Variants in PTPRD observed in about 807,000 individuals in gnomAD.
The protein encoded by PTPRD is receptor-type tyrosine-protein phosphatase delta.
A neutral mutation model predicts 214.5 loss-of-function variants in PTPRD; 34 were observed. That is an observed-to-expected ratio of 0.16 (90% confidence interval 0.12 to 0.21). The LOEUF (loss-of-function observed/expected upper bound fraction) is 0.21, where lower values mean the gene tolerates loss of function less well. PTPRD is among the 10% of genes least tolerant of loss of function. The probability of loss-of-function intolerance (pLI) is 1.00; values close to 1 mark genes in which losing one functional copy is unlikely to be tolerated. For missense variants in PTPRD, 2,545 were observed against 2,398.7 expected, an observed-to-expected ratio of 1.06 and a Z score of -1.27; for synonymous variants, 1,128 against 845.7, an observed-to-expected ratio of 1.33 and a Z score of -5.79.
chr9:9,056,055 A>C (rs1035022095), intron 10 of PTPRD, among the ~76,000 whole-genome samples: 3 of 152,064 alleles, frequency 2.0e-5, no homozygotes, highest in African/African-American at 7.2e-5. Flanking sequence ...GACTTGCCAC[A>C]AAAAAGACTA....
chr9:9,490,972 T>TATAAAC (rs1199474142), intron 8 of PTPRD, among the ~76,000 whole-genome samples: 1 of 151,442 alleles, frequency 6.6e-6, no homozygotes, highest in African/African-American at 2.4e-5. Flanking sequence ...CTAATATAAA[T>TATAAAC]ATAAATGAAC....
At chr9:10,589,637 G>A (rs1001563113) in intron 2 of PTPRD, among the ~76,000 whole-genome samples, 2 of 152,024 alleles carry the variant, frequency 1.3e-5, no homozygotes, top group African/African-American at 2.4e-5. Flanking sequence ...CCTCAACTAT[G>A]AAAGAGGATA....
At chr9:8,600,060 C>G (rs2094743582) in intron 14 of PTPRD, among the ~76,000 whole-genome samples, 1 of 152,222 alleles carries the variant, frequency 6.6e-6, no homozygotes, top group African/African-American at 2.4e-5. Context: ...CATCCCCTGG[C>G]TGCAGCCTGG....
At chr9:8,323,293 A>C (rs1047862176) in intron 44 of PTPRD, among the ~76,000 whole-genome samples, 2 of 152,212 alleles carry the variant, frequency 1.3e-5, no homozygotes, top group East Asian at 3.9e-4. Context: ...CTGTGAACAC[A>C]ATATTGATTC....
intron 3 of PTPRD, among the ~76,000 whole-genome samples, chr9:10,331,401 C>T (rs1159042593): frequency 1.3e-5 from 2 of 151,850 alleles, no homozygotes; most frequent in African/African-American, 4.8e-5. Flanking sequence ...GCAATTAAGC[C>T]TTCCATCTGA....
intron 9 of PTPRD, among the ~76,000 whole-genome samples, chr9:9,213,083 C>T (rs1235336671): frequency 6.6e-6 from 1 of 152,136 alleles, no homozygotes; most frequent in African/African-American, 2.4e-5. Flanking sequence ...TGAAACGATG[C>T]ACATCAAATC....
intron 5 of PTPRD, among the ~76,000 whole-genome samples, chr9:9,896,856 T>C (rs918560108): frequency 3.3e-5 from 5 of 152,062 alleles, no homozygotes; most frequent in Admixed American, 2.6e-4. Context: ...AATAACATAT[T>C]AGAAAAATCA....
chr9:9,807,439 G>A lies in PTPRD; in HGVS notation c.-367-40588C>T, dbSNP rs186806764. On this transcript the variant is annotated intron_variant, in intron 5 of 45. Coordinates refer to ENST00000381196, the MANE Select transcript of PTPRD (RefSeq NM_002839.4). ...TGGTTATCAAACAAGATGCGATGTT[G>A]GCTAGGAAGCTTGTGGGAAGATTTC... Among the ~76,000 whole-genome samples the A allele has an allele frequency of 6.9e-4, 105 of 152,180 alleles. No individual in the cohort carries two copies. In the East Asian group the frequency reaches 0.019, roughly 28 times the overall value.
intron 35 of PTPRD, among the ~76,000 whole-genome samples, chr9:8,413,949 C>G (rs1403890629): frequency 1.3e-5 from 2 of 151,886 alleles, no homozygotes; most frequent in Non-Finnish European, 2.9e-5. Flanking sequence ...ATGTATTAGA[C>G]CTCTGGAAAA....
intron 2 of PTPRD, among the ~76,000 whole-genome samples, chr9:10,396,915 A>G (rs75388791): frequency 6.6e-6 from 1 of 151,962 alleles, no homozygotes; most frequent in Non-Finnish European, 1.5e-5. Context: ...TCCATACTTG[A>G]GGCCCTGGAA....
intron 10 of PTPRD, among the ~76,000 whole-genome samples, chr9:9,173,838 T>C (rs1264779169): frequency 1.3e-5 from 2 of 152,126 alleles, no homozygotes; most frequent in African/African-American, 4.8e-5. Context: ...TCTTTACCAT[T>C]GGCCTCCCCT....
intron 9 of PTPRD, among the ~76,000 whole-genome samples, chr9:9,227,999 A>G (rs1167088028): frequency 2.6e-5 from 4 of 152,082 alleles, no homozygotes; most frequent in African/African-American, 9.7e-5. Flanking sequence ...TATTTTTCCA[A>G]GCATTTCTGT....
chr9:10,061,620 A>G (rs1157235400), intron 3 of PTPRD, among the ~76,000 whole-genome samples: 1 of 152,078 alleles, frequency 6.6e-6, no homozygotes, highest in African/African-American at 2.4e-5. Flanking sequence ...TCATTTAATA[A>G]AAGCTGCCAC....
Position 9,041,291 on chromosome 9 carries a change from G to T in PTPRD, c.-142-22556C>A, listed in dbSNP as rs745330486. ...TAAACTTGTGTCATGGGGGTTTACT[G>T]TACAGATTATTTTGTCACTCAGGTA... On this transcript the variant is annotated intron_variant, in intron 10 of 45. Coordinates refer to ENST00000381196, the MANE Select transcript of PTPRD (RefSeq NM_002839.4). Among the ~76,000 whole-genome samples, 17 of 152,164 alleles carry T rather than the reference G, an allele frequency of 1.1e-4. No individual in the cohort carries two copies. In the East Asian group the frequency reaches 3.3e-3, roughly 29 times the overall value.
At chr9:9,021,507 G>A (rs1418865208) in intron 10 of PTPRD, among the ~76,000 whole-genome samples, 2 of 152,052 alleles carry the variant, frequency 1.3e-5, no homozygotes, top group Non-Finnish European at 2.9e-5. Context: ...GCCATACTAT[G>A]CTATACTTCA....
At chr9:8,815,149 G>A (rs1337958912) in intron 11 of PTPRD, among the ~76,000 whole-genome samples, 2 of 150,844 alleles carry the variant, frequency 1.3e-5, no homozygotes, top group Non-Finnish European at 2.9e-5. Context: ...ATTGAGAAAA[G>A]GGACAGTGAG....
chr9:9,454,177 T>G (rs533183050), intron 8 of PTPRD, among the ~76,000 whole-genome samples: 1 of 151,940 alleles, frequency 6.6e-6, no homozygotes, highest in South Asian at 2.1e-4. Context: ...TTTGAGTTGT[T>G]AGATATTTCC....
intron 5 of PTPRD, among the ~76,000 whole-genome samples, chr9:9,787,918 A>C (rs1482200435): frequency 6.6e-6 from 1 of 151,778 alleles, no homozygotes; most frequent in African/African-American, 2.4e-5. Context: ...AGTAGCTGGG[A>C]CTACAGGCGC....
intron 12 of PTPRD, among the ~76,000 whole-genome samples, chr9:8,667,212 G>A (rs1257687930): frequency 3.3e-5 from 5 of 152,092 alleles, no homozygotes; most frequent in South Asian, 2.1e-4. Context: ...TGTGGTGGGC[G>A]CCTGTAATCC....
Sources: allele counts gnomAD v4.1 joint callset (sites outside exome capture counted in the v4.1 genomes callset), GRCh38; gene constraint gnomAD v4.1.1; transcripts MANE v1.5; gene names NCBI Gene and HGNC (gene_info 2026-07-23, HGNC 2026-07-21).